CREB3L3: variants seen among roughly 807,000 people sequenced by gnomAD.
The protein encoded by CREB3L3 is cyclic AMP-responsive element-binding protein 3-like protein 3.
CREB3L3 carries 40 observed loss-of-function variants against 44.6 expected under a neutral mutation model. That is an observed-to-expected ratio of 0.90 (90% CI 0.70 to 1.17). The LOEUF (loss-of-function observed/expected upper bound fraction) is 1.17. CREB3L3 is among the 50% of genes most tolerant of loss of function. The probability of loss-of-function intolerance (pLI) is 0.00; values close to 1 mark genes in which losing one functional copy is unlikely to be tolerated. For missense variants in CREB3L3, 578 were observed against 595.8 expected, an observed-to-expected ratio of 0.97 and a Z score of 0.31; for synonymous variants, 273 against 256.3, an observed-to-expected ratio of 1.06 and a Z score of -0.62.
chr19:4,153,870 T>C lies in CREB3L3; in HGVS notation c.27+96T>C, dbSNP rs1336147760. ...GGAAGGACCCCATCTCCACCCCTAT[T>C]GTACAGATGGGAAGACTGAGGCCCA... On this transcript the variant is annotated intron_variant, in intron 1 of 9. Coordinates refer to ENST00000078445, the MANE Select transcript of CREB3L3 (RefSeq NM_032607.3). 8.2e-6 allele frequency: 11 copies of C among 1,341,316 alleles called. No homozygotes were observed. In the South Asian group the frequency reaches 1.3e-4, roughly 16 times the overall value. 83.1% of individuals were successfully genotyped at this position (1,341,316 alleles called of 1,614,324 possible). A position where few individuals can be genotyped will look rare whatever the true frequency, so the allele number is the denominator to read the frequency against.
Position 4,168,139 on chromosome 19 carries a change from C to T in CREB3L3, c.715-212C>T, listed in dbSNP as rs572033906. Among the ~76,000 whole-genome samples the T allele has an allele frequency of 1.5e-4, 23 of 151,998 alleles. No individual in the cohort carries two copies. The East Asian group carries it at 3.7e-3, about 24-fold the overall frequency. ...TCAGCCTCCCGAGTAGCTGGGATTA[C>T]AGGCACCCGCCACCATGCCTGGCTA... On this transcript the variant is annotated intron_variant, in intron 5 of 9. Coordinates refer to ENST00000078445, the MANE Select transcript of CREB3L3 (RefSeq NM_032607.3).
chr19:4,156,094 TCTC>T (rs2041570024), intron 2 of CREB3L3, among the ~76,000 whole-genome samples: 1 of 7,760 alleles, frequency 1.3e-4, no homozygotes, highest in Non-Finnish European at 1.9e-4. Flanking sequence ...TCTCTCTCTC[TCTC>T]TCTCTCTCTC....
rs1357902896 is a variant in CREB3L3 at position 4,173,003 on chromosome 19, T to G, written c.*1034T>G. On this transcript the variant is annotated 3_prime_UTR_variant, in exon 10 of 10. Coordinates refer to ENST00000078445, the MANE Select transcript of CREB3L3 (RefSeq NM_032607.3). Reference sequence around the variant, plus strand: ...TCTTTGGAGCAGCCACGGCCCACAATCACCCCCCTTTTCTAAGACTGCCTG... The same window carrying G: ...TCTTTGGAGCAGCCACGGCCCACAAGCACCCCCCTTTTCTAAGACTGCCTG... The G allele has an allele frequency of 2.0e-5, 3 of 152,980 alleles. No individual in the cohort carries two copies. Among genetic ancestry groups the G allele is most frequent in the African/African-American group, 7.2e-5 (3 of 41,572 alleles). The allele number at this position is 152,980 out of a possible 1,614,324, so 9.5% of individuals were successfully genotyped here. A position where few individuals can be genotyped will look rare whatever the true frequency, so the allele number is the denominator to read the frequency against.
In CREB3L3 at chr19:4,171,471, C is replaced by T. The variant is rs1392555063; in HGVS notation, c.1064C>T (p.Pro355Leu). The change falls in exon 9 of 10, where the codon CCT becomes CTT. Residue 355 changes from proline to leucine, a missense_variant. Transcript: ENST00000078445. This position sits in a 1 kb window ranked among gnomAD's most constrained non-coding sequence, Gnocchi z 4.9. Reference protein sequence around the residue: ...NKTESPGDFAPVRVFSRTLHN... With the variant: ...NKTESPGDFALVRVFSRTLHN... ...ACCGAGAGCCCTGGGGACTTTGCGC[C>T]TGTACGAGGTAGGGGATCCCCACCT... 6.2e-6 allele frequency: 10 copies of T among 1,614,108 alleles called. No individual in the cohort carries two copies. Among genetic ancestry groups the T allele is most frequent in the Non-Finnish European group, 8.5e-6 (10 of 1,179,982 alleles).
chr19:4,159,154 CTTT>C (rs34399566), intron 3 of CREB3L3, among the ~76,000 whole-genome samples: 2 of 144,044 alleles, frequency 1.4e-5, no homozygotes, highest in Non-Finnish European at 1.5e-5. Context: ...GGGTCCCCAT[CTTT>C]TTTTTTTTTT....
chr19:4,168,947 C>T (rs998577905), intron 6 of CREB3L3, among the ~76,000 whole-genome samples: 1 of 151,974 alleles, frequency 6.6e-6, no homozygotes, highest in Non-Finnish European at 1.5e-5. Context: ...GTTGCCCAGG[C>T]TAGTCTCAAA....
chr19:4,161,811 T>C (rs2041665623), intron 4 of CREB3L3, among the ~76,000 whole-genome samples: 1 of 152,160 alleles, frequency 6.6e-6, no homozygotes, highest in Non-Finnish European at 1.5e-5. Flanking sequence ...AGCTGTGTGC[T>C]CAGCCTCTAG....
rs549687040 is a variant in CREB3L3, at chr19:4,172,627, T to C, written c.*658T>C. The C allele has an allele frequency of 3.0e-3, 484 of 159,042 alleles. 1 individual carries two copies. Among genetic ancestry groups the C allele is most frequent in the African/African-American group, 0.016 (454 of 27,950 alleles). The allele number at this position is 159,042 out of a possible 1,614,324, so 9.9% of individuals were successfully genotyped here. ...CCCAGACAAACAGACAGACACAGCC[T>C]GAAACAGACCCAGACACAGCCTGAA... On this transcript the variant is annotated 3_prime_UTR_variant, in exon 10 of 10. Transcript: ENST00000078445.
chr19:4,168,495 G>A, intron 6 of CREB3L3, 38 bp downstream of exon 6: 1 of 1,501,922 alleles, frequency 6.7e-7, no homozygotes, highest in Non-Finnish European at 9.2e-7. Flanking sequence ...ACTCGTGGAG[G>A]AAACTGAGGC....
At chr19:4,162,430 G>T (rs960641277) in intron 4 of CREB3L3, among the ~76,000 whole-genome samples, 1 of 137,964 alleles carries the variant, frequency 7.2e-6, no homozygotes, top group African/African-American at 2.7e-5. Flanking sequence ...ACAGAACAAC[G>T]ATACAAAAAA....
intron 2 of CREB3L3, 102 bp downstream of exon 2, chr19:4,155,129 G>A: frequency 1.4e-6 from 2 of 1,463,258 alleles, no homozygotes; most frequent in Non-Finnish European, 1.9e-6. Flanking sequence ...CCAGAGCTCT[G>A]CTCAGCTCTA....
At chr19:4,158,472 G>A (rs1568279241) in intron 3 of CREB3L3, among the ~76,000 whole-genome samples, 1 of 151,792 alleles carries the variant, frequency 6.6e-6, no homozygotes, top group African/African-American at 2.4e-5. Context: ...ACTCCATCCT[G>A]GCTGACAGAG....
At position 4,171,312 on chromosome 19, in the gene CREB3L3, C is replaced by T; in HGVS notation, c.976-71C>T. On this transcript the variant is annotated intron_variant, in intron 8 of 9. Coordinates refer to ENST00000078445, the MANE Select transcript of CREB3L3 (RefSeq NM_032607.3). The surrounding 1 kb of genome is among the most constrained non-coding windows in gnomAD (Gnocchi z 4.9). Reference sequence around the variant, plus strand: ...AGTCTGGTCTTTGGGGCCTCAGTTTCCCTGCCTGTGGGATGGAGATGCTTG... The same window carrying T: ...AGTCTGGTCTTTGGGGCCTCAGTTTTCCTGCCTGTGGGATGGAGATGCTTG... The T allele has an allele frequency of 1.3e-6, 2 of 1,518,858 alleles. No homozygotes were observed. Among genetic ancestry groups the T allele is most frequent in the South Asian group, 1.1e-5 (1 of 88,194 alleles). The allele number at this position is 1,518,858 out of a possible 1,614,324, so 94.1% of individuals were successfully genotyped here.
In CREB3L3 at chr19:4,171,084, C is replaced by G. The variant is rs1166802318; in HGVS notation, c.891-7C>G. 8 of 1,613,136 alleles carry G rather than the reference C, an allele frequency of 5.0e-6. No homozygotes were observed. In the South Asian group the frequency reaches 8.8e-5, roughly 18 times the overall value. ...GGGCTCAGCGGAGGCCTGCCTGTCT[C>G]TCTAAGGTCCCTCTTGGAGCAACTG... On this transcript the variant is annotated splice_region_variant and splice_polypyrimidine_tract_variant and intron_variant, in intron 7 of 9. Coordinates refer to ENST00000078445, the MANE Select transcript of CREB3L3 (RefSeq NM_032607.3). This position sits in a 1 kb window ranked among gnomAD's most constrained non-coding sequence, Gnocchi z 4.9.
At chr19:4,167,389 AAAAG>A (rs755670390) in intron 5 of CREB3L3, among the ~76,000 whole-genome samples, 134 of 151,022 alleles carry the variant, frequency 8.9e-4, no homozygotes, top group African/African-American at 1.1e-3. Context: ...GGAAGGAAAG[AAAAG>A]AAAGAAAGAA....
At chr19:4,158,708 G>A (rs2041620187) in intron 3 of CREB3L3, among the ~76,000 whole-genome samples, 1 of 151,800 alleles carries the variant, frequency 6.6e-6, no homozygotes. Context: ...GGCTAAGGCA[G>A]GAGAATCTCT....
intron 5 of CREB3L3, 145 bp from the exon 6 acceptor site, chr19:4,168,206 C>A: frequency 5.4e-6 from 3 of 555,852 alleles, no homozygotes. Context: ...ACCATGTTGG[C>A]CAGGCTGGTC....
intron 6 of CREB3L3, among the ~76,000 whole-genome samples, chr19:4,169,075 T>C (rs1238632258): frequency 6.6e-6 from 1 of 151,944 alleles, no homozygotes; most frequent in African/African-American, 2.4e-5. Context: ...CTCCTGATCA[T>C]CTTTATCCAG....
chr19:4,154,972 A>G lies in CREB3L3; in HGVS notation c.101A>G (p.Asp34Gly), dbSNP rs1242021654. The G allele has an allele frequency of 3.7e-6, 6 of 1,613,024 alleles. No homozygotes were observed. The South Asian group carries it at 5.5e-5, about 15-fold the overall frequency. The change falls in exon 2 of 10, where the codon GAC (aspartate) becomes GGC (glycine). Residue 34 changes from aspartate (D) to glycine (G), a missense_variant. Transcript: ENST00000078445. ...ELLDLLFDRQ[D>G]GILRHVELGE... ...CTGGATCTCCTGTTTGACCGGCAGG[A>G]CGGCATCCTGAGACACGTGGAGCTG...
Sources: allele counts gnomAD v4.1 joint callset (sites outside exome capture counted in the v4.1 genomes callset), GRCh38; gene constraint gnomAD v4.1.1; non-coding constraint Gnocchi (gnomAD v3.1); transcripts MANE v1.5; gene names NCBI Gene and HGNC (gene_info 2026-07-23, HGNC 2026-07-21).